The following TNFSF4 variants were observed in gnomAD, a reference collection of about 807,000 sequenced individuals.
TNFSF4 encodes TNF superfamily member 4.
A neutral mutation model predicts 7.3 loss-of-function variants in TNFSF4; 4 were observed. The observed-to-expected ratio is 0.55, with a 90% confidence interval of 0.27 to 1.25. The LOEUF (loss-of-function observed/expected upper bound fraction) is 1.25. Ranked by LOEUF, TNFSF4 falls within the 50% of genes most tolerant of loss-of-function variation. The pLI is 0.12. For missense variants in TNFSF4, 181 were observed against 208.8 expected (o/e 0.87, Z 0.82); for synonymous variants, 76 against 83.7 (o/e 0.91, Z 0.50).
At chr1:173,400,093 T>C in the TNFSF4 span, among the ~76,000 whole-genome samples, 1 of 152,194 alleles carries the variant, frequency 6.6e-6, no homozygotes, top group Admixed American at 6.5e-5. Flanking sequence ...ACAGAATGAC[T>C]TATCCACTGT....
the TNFSF4 span, among the ~76,000 whole-genome samples, chr1:173,322,584 G>A: frequency 9.9e-5 from 15 of 152,140 alleles, no homozygotes; most frequent in Non-Finnish European, 1.9e-4. Context: ...GAAGCAGGGC[G>A]AGGCATTGCC....
At chr1:173,406,387 A>G in the TNFSF4 span, among the ~76,000 whole-genome samples, 3 of 152,242 alleles carry the variant, frequency 2.0e-5, no homozygotes, top group Middle Eastern at 0.01. Flanking sequence ...TTATTTACTT[A>G]TTTCACAAAA....
chr1:173,390,366 C>T, the TNFSF4 span, among the ~76,000 whole-genome samples: 1 of 152,156 alleles, frequency 6.6e-6, no homozygotes, highest in South Asian at 2.1e-4. Flanking sequence ...AAACCCCAAG[C>T]ATTTGAGACC....
At chr1:173,443,022 G>A in the TNFSF4 span, among the ~76,000 whole-genome samples, 1 of 152,156 alleles carries the variant, frequency 6.6e-6, no homozygotes, top group Non-Finnish European at 1.5e-5. Flanking sequence ...GAATATGTAA[G>A]TCTAACAGAT....
At chr1:173,309,508 C>T in the TNFSF4 span, among the ~76,000 whole-genome samples, 1 of 151,704 alleles carries the variant, frequency 6.6e-6, no homozygotes, top group African/African-American at 2.4e-5. Context: ...ATTTGAAAAC[C>T]AATCAACTTG....
the TNFSF4 span, among the ~76,000 whole-genome samples, chr1:173,411,445 A>C: frequency 2.0e-5 from 3 of 152,248 alleles, no homozygotes; most frequent in Non-Finnish European, 2.9e-5. Flanking sequence ...AAAATCCTCT[A>C]GAATATAAAT....
At chr1:173,435,301 T>TA in the TNFSF4 span, among the ~76,000 whole-genome samples, 1 of 152,214 alleles carries the variant, frequency 6.6e-6, no homozygotes. Flanking sequence ...ACTTACTAAA[T>TA]AACTGAGCTA....
the TNFSF4 span, among the ~76,000 whole-genome samples, chr1:173,257,014 CT>C: frequency 3.3e-5 from 5 of 152,336 alleles, no homozygotes; most frequent in Non-Finnish European, 5.9e-5. Flanking sequence ...CCTATTCCTT[CT>C]TCATCACTTC....
the TNFSF4 span, among the ~76,000 whole-genome samples, chr1:173,336,228 T>C: frequency 1.3e-5 from 2 of 152,144 alleles, no homozygotes; most frequent in African/African-American, 4.8e-5. Context: ...TCCTGAAGGA[T>C]TGCAGAGATT....
chr1:173,359,461 A>AG, the TNFSF4 span, among the ~76,000 whole-genome samples: 1 of 78,674 alleles, frequency 1.3e-5, no homozygotes, highest in African/African-American at 4.4e-5. Context: ...TTAAAAAAAA[A>AG]AAAAGAAAAG....
At chr1:173,240,215 A>G in the TNFSF4 span, among the ~76,000 whole-genome samples, 1 of 151,244 alleles carries the variant, frequency 6.6e-6, no homozygotes, top group Admixed American at 6.6e-5. Flanking sequence ...GTTAAATAAA[A>G]CCCCACTTTG....
the TNFSF4 span, among the ~76,000 whole-genome samples, chr1:173,329,539 C>CA: frequency 4.8e-3 from 724 of 151,352 alleles, 4 homozygotes; most frequent in African/African-American, 0.015. Flanking sequence ...TATAAAATAC[C>CA]AAAAAAAAGA....
At chr1:173,364,645 A>C in the TNFSF4 span, among the ~76,000 whole-genome samples, 2 of 152,046 alleles carry the variant, frequency 1.3e-5, no homozygotes, top group Non-Finnish European at 2.9e-5. Flanking sequence ...TTTGTTATCC[A>C]ATCAGGATCG....
chr1:173,356,222 C>T, the TNFSF4 span, among the ~76,000 whole-genome samples: 1 of 152,186 alleles, frequency 6.6e-6, no homozygotes, highest in Non-Finnish European at 1.5e-5. Context: ...TTTGTCTCTA[C>T]CAAGAATTTC....
the TNFSF4 span, among the ~76,000 whole-genome samples, chr1:173,243,000 T>TGGGC: frequency 0.025 from 135 of 5,320 alleles, 10 homozygotes; most frequent in East Asian, 0.049. Context: ...AAGAAGTTGG[T>TGGGC]GGGTGGGGGG....
chr1:173,308,267 T>TTCTCTCTCTCTC, the TNFSF4 span, among the ~76,000 whole-genome samples: 91 of 132,944 alleles, frequency 6.8e-4, no homozygotes, highest in African/African-American at 2.8e-3. Context: ...CTCTCTCTCT[T>TTCTCTCTCTCTC]TCTCTCTCTC....
the TNFSF4 span, among the ~76,000 whole-genome samples, chr1:173,235,114 C>T: frequency 2.5e-4 from 38 of 152,176 alleles, no homozygotes; most frequent in Admixed American, 2.6e-4. Context: ...CTTTATTGTT[C>T]AGAGAAGTCA....
chr1:173,388,750 TTTATTA>T, the TNFSF4 span, among the ~76,000 whole-genome samples: 1 of 152,172 alleles, frequency 6.6e-6, no homozygotes, highest in Non-Finnish European at 1.5e-5. Context: ...AAATAATGGG[TTTATTA>T]TTGCTATTTT....
chr1:173,228,523 CT>C, the TNFSF4 span, among the ~76,000 whole-genome samples: 1 of 152,148 alleles, frequency 6.6e-6, no homozygotes, highest in African/African-American at 2.4e-5. Flanking sequence ...CAGAGCGCCT[CT>C]CCCCCCTCCA....
Sources: gnomAD v4.1 joint callset for allele counts (sites outside exome capture counted in the v4.1 genomes callset) on GRCh38, gnomAD v4.1.1 for gene constraint, MANE v1.5 for transcripts, NCBI Gene and HGNC (gene_info 2026-07-23, HGNC 2026-07-21) for gene names.